The following POLR2G variants were observed in gnomAD, a reference collection of about 807,000 sequenced individuals.
The protein encoded by POLR2G is DNA-directed RNA polymerase II subunit RPB7.
POLR2G carries 19 observed loss-of-function variants against 25.7 expected under a neutral mutation model. The ratio of observed to expected loss-of-function variants is 0.74; its 90% CI spans 0.52 to 1.08. The LOEUF is 1.08. POLR2G is among the 50% of genes least tolerant of loss of function. POLR2G has a pLI of 0.00. For missense variants in POLR2G, 123 were observed against 218.5 expected (o/e 0.56, Z 2.76); for synonymous variants, 79 against 76.0 (o/e 1.04, Z -0.21).
Position 62,761,733 on chromosome 11 carries a change from C to A in POLR2G, c.13-62C>A, listed in dbSNP as rs2084089871. On this transcript the variant is annotated intron_variant, in intron 1 of 7. Coordinates refer to ENST00000301788, the MANE Select transcript of POLR2G (RefSeq NM_002696.3). ...CAAGGCCAGGCGCCGGCGCGAGACT[C>A]CCCTTGTCGTCCAATAACCTGCCAG... The A allele has an allele frequency of 1.1e-5, 17 of 1,606,210 alleles. No homozygotes were observed. In the South Asian group the frequency reaches 1.8e-4, roughly 17 times the overall value.
At chr11:62,764,021 C>T (rs1419282059) in intron 3 of POLR2G, among the ~76,000 whole-genome samples, 1 of 151,572 alleles carries the variant, frequency 6.6e-6, no homozygotes, top group Non-Finnish European at 1.5e-5. Context: ...GGATTATAGG[C>T]GTGAGCCACC....
chr11:62,762,836 A>T (rs779696484), intron 2 of POLR2G, 31 bp from the exon 3 acceptor site: 3 of 1,544,756 alleles, frequency 1.9e-6, no homozygotes. Flanking sequence ...TTGGACACAC[A>T]GTGTCTTCCT....
chr11:62,765,837 G>A lies in POLR2G; in HGVS notation c.471+113G>A, dbSNP rs1335266635. 3 of 691,762 alleles carry A rather than the reference G, an allele frequency of 4.3e-6. No individual in the cohort carries two copies. The African/African-American group carries it at 5.5e-5, about 13-fold the overall frequency. The allele number at this position is 691,762 out of a possible 1,614,324, so 42.9% of individuals were successfully genotyped here. On this transcript the variant is annotated intron_variant, in intron 6 of 7. Coordinates refer to ENST00000301788, the MANE Select transcript of POLR2G (RefSeq NM_002696.3). ...GAGTCTTGCTCTGTCACCCAGGCTG[G>A]AGTGCAGTGGCGCGATCTCGGCTCA...
intron 2 of POLR2G, chr11:62,762,528 C>T: frequency 2.2e-6 from 1 of 450,312 alleles, no homozygotes; most frequent in South Asian, 1.6e-5. Flanking sequence ...CCTGAGCCTC[C>T]TTATTCCCTA....
chr11:62,766,633 C>G lies in POLR2G; in HGVS notation c.*126C>G, dbSNP rs1045122. 10 of 793,764 alleles carry G rather than the reference C, an allele frequency of 1.3e-5. No individual in the cohort carries two copies. Among genetic ancestry groups the G allele is most frequent in the Admixed American group, 6.8e-5 (3 of 44,368 alleles). 49.2% of individuals were successfully genotyped at this position (793,764 alleles called of 1,614,324 possible). A position where few individuals can be genotyped will look rare whatever the true frequency, so the allele number is the denominator to read the frequency against. ...GAAGGCAACTCATCCCAGAAGGCAT[C>G]TGGTGCTTCTTGTAGCTTAACTACT... On this transcript the variant is annotated 3_prime_UTR_variant, in exon 8 of 8. Coordinates refer to ENST00000301788, the MANE Select transcript of POLR2G (RefSeq NM_002696.3).
At chr11:62,763,098 A>G in intron 3 of POLR2G, 72 bp downstream of exon 3, 8 of 912,444 alleles carry the variant, frequency 8.8e-6, no homozygotes, top group Non-Finnish European at 1.1e-5. Context: ...GCTCCACTTC[A>G]TAACTCTGTG....
At position 62,765,390 on chromosome 11, in the gene POLR2G, C is replaced by T; in HGVS notation, c.384C>T (p.Tyr128=). ...EFDPNSNPPC[Y]KTMDEDIVIQ... ...ATCCTAACTCCAACCCACCATGTTA[C>T]AAGACAATGGATGAGGTGAGTGGAC... is the stretch of plus-strand genomic sequence containing the variant. The change falls in exon 5 of 8, where the codon TAC becomes TAT. Residue 128 remains tyrosine, a synonymous_variant. Transcript: ENST00000301788. 6.2e-7 allele frequency: 1 copy of T among 1,612,456 alleles called. No homozygotes were observed. Among genetic ancestry groups the T allele is most frequent in the Middle Eastern group, 1.7e-4 (1 of 6,040 alleles).
chr11:62,762,703 TTCTG>T, intron 2 of POLR2G, 160 bp from the exon 3 acceptor site: 1 of 636,998 alleles, frequency 1.6e-6, no homozygotes, highest in Non-Finnish European at 2.9e-6. Context: ...CTGATCTCTG[TTCTG>T]TCTTCTTTTG....
intron 5 of POLR2G, 102 bp from the exon 6 acceptor site, chr11:62,765,551 G>A: frequency 9.2e-7 from 1 of 1,086,410 alleles, no homozygotes; most frequent in Non-Finnish European, 1.4e-6. Flanking sequence ...TGGTGTGAAA[G>A]TGATGTGCAT....
In POLR2G at chr11:62,766,480, T is replaced by C; in HGVS notation, c.506-14T>C. ...ATTCCGGTTCTAACTGATATGCTTTTTCTGGTTTCGCAGGGCTTGTAAGCT... is the reference window on the plus strand; with the variant it reads ...ATTCCGGTTCTAACTGATATGCTTTCTCTGGTTTCGCAGGGCTTGTAAGCT... On this transcript the variant is annotated splice_polypyrimidine_tract_variant and intron_variant, in intron 7 of 7. Coordinates refer to ENST00000301788, the MANE Select transcript of POLR2G (RefSeq NM_002696.3). The C allele has an allele frequency of 6.2e-7, 1 of 1,614,002 alleles. No individual in the cohort carries two copies. Among genetic ancestry groups the C allele is most frequent in the Non-Finnish European group, 8.5e-7 (1 of 1,179,916 alleles).
chr11:62,761,856 C>T lies in POLR2G; in HGVS notation c.74C>T (p.Thr25Met). The T allele has an allele frequency of 6.2e-7, 1 of 1,613,666 alleles. No individual in the cohort carries two copies. Among genetic ancestry groups the T allele is most frequent in the Non-Finnish European group, 8.5e-7 (1 of 1,179,980 alleles). The change falls in exon 2 of 8, where the codon ACG becomes ATG. Residue 25 changes from threonine to methionine, a missense_variant. By Grantham distance (81) the Thr-to-Met change is moderately conservative. Coordinates refer to ENST00000301788, the MANE Select transcript of POLR2G (RefSeq NM_002696.3). ...TACTTCGGCCCCAACTTGCTCAACA[C>T]GGTGAAGCAGAAGCTCTTCACCGAG... ...PRYFGPNLLN[T>M]VKQKLFTEVE...
intron 2 of POLR2G, chr11:62,762,241 A>G (rs1318480934): frequency 6.5e-6 from 2 of 309,990 alleles, no homozygotes; most frequent in Non-Finnish European, 1.3e-5. Flanking sequence ...CAGTGTAATC[A>G]TTGTTCCTGT....
chr11:62,761,919 C>T lies in POLR2G; in HGVS notation c.122+15C>T. ...TGCACAGGGAAGTGAGTGTCGAGCT[C>T]ACCGCACCGCCAGATCGTTCGATGC... On this transcript the variant is annotated intron_variant, in intron 2 of 7. Transcript: ENST00000301788. The T allele has an allele frequency of 1.9e-6, 3 of 1,550,076 alleles. No homozygotes were observed. The highest frequency in any genetic ancestry group is 2.2e-5 in the South Asian group (2 of 89,986).
intron 6 of POLR2G, 147 bp from the exon 7 acceptor site, chr11:62,766,096 C>T (rs886196391): frequency 1.9e-5 from 15 of 774,304 alleles, no homozygotes; most frequent in South Asian, 5.9e-5. Flanking sequence ...CGAGAGCTGT[C>T]GATTTCTTAC....
chr11:62,761,599 C>A lies in POLR2G; in HGVS notation c.-50C>A. ...GCGTCTAAGTGTTTCCGGTGGATTC[C>A]CAGGGACTGTCGGAGGTGTGGACTC... is the stretch of plus-strand genomic sequence containing the variant. On this transcript the variant is annotated 5_prime_UTR_variant, in exon 1 of 8. Coordinates refer to ENST00000301788, the MANE Select transcript of POLR2G (RefSeq NM_002696.3). The A allele has an allele frequency of 6.4e-7, 1 of 1,571,946 alleles. No homozygotes were observed. Among genetic ancestry groups the A allele is most frequent in the South Asian group, 1.1e-5 (1 of 87,168 alleles).
intron 6 of POLR2G, among the ~76,000 whole-genome samples, 157 bp downstream of exon 6, chr11:62,765,881 G>A (rs1440965402): frequency 1.3e-5 from 2 of 149,996 alleles, no homozygotes; most frequent in East Asian, 2.0e-4. Flanking sequence ...TCTGCCTCCC[G>A]GGTTCATGCC....
At chr11:62,762,778 T>C in intron 2 of POLR2G, 89 bp from the exon 3 acceptor site, 1 of 1,068,564 alleles carries the variant, frequency 9.4e-7, no homozygotes, top group Non-Finnish European at 1.4e-6. Flanking sequence ...TCCCCGACCC[T>C]ACCCCCAAGA....
chr11:62,765,851 G>T (rs1056936139), intron 6 of POLR2G, 127 bp downstream of exon 6: 3 of 639,780 alleles, frequency 4.7e-6, no homozygotes, highest in Admixed American at 5.1e-5. Context: ...GCAGTGGCGC[G>T]ATCTCGGCTC....
At chr11:62,764,086 G>A (rs911156516) in intron 3 of POLR2G, among the ~76,000 whole-genome samples, 1 of 152,242 alleles carries the variant, frequency 6.6e-6, no homozygotes, top group African/African-American at 2.4e-5. Flanking sequence ...GAAATTAAGT[G>A]TACTGGCCAA....
Sources: gnomAD v4.1 joint callset for allele counts (sites outside exome capture counted in the v4.1 genomes callset) on GRCh38, gnomAD v4.1.1 for gene constraint, MANE v1.5 for transcripts, NCBI Gene and HGNC (gene_info 2026-07-23, HGNC 2026-07-21) for gene names.